Variants in MCTP1 observed in about 807,000 individuals in gnomAD.
The protein encoded by MCTP1 is multiple C2 and transmembrane domain containing 1, also known as multiple C2 and transmembrane domain-containing protein 1.
A neutral mutation model predicts 120.6 loss-of-function variants in MCTP1; 69 were observed. That is an observed-to-expected ratio of 0.57 (90% CI 0.47 to 0.70). The LOEUF is 0.70. Ranked by LOEUF, MCTP1 falls within the 30% of genes least tolerant of loss-of-function variation. The pLI is 0.00. For missense variants in MCTP1, 1,203 were observed against 1,248.8 expected (o/e 0.96, Z 0.55); for synonymous variants, 529 against 493.1 (o/e 1.07, Z -0.96).
At chr5:94,728,017 G>A (rs1478993345) in intron 19 of MCTP1, among the ~76,000 whole-genome samples, 1 of 152,134 alleles carries the variant, frequency 6.6e-6, no homozygotes, top group Non-Finnish European at 1.5e-5. Context: ...ACAACTTAGT[G>A]TTCTATGGGA....
chr5:95,076,705 G>A (rs186752064), intron 1 of MCTP1, among the ~76,000 whole-genome samples: 26 of 152,180 alleles, frequency 1.7e-4, no homozygotes, highest in Middle Eastern at 6.8e-3. Flanking sequence ...ATAACACAAC[G>A]CATCTGTACA....
At chr5:94,715,813 T>C (rs1413373045) in intron 19 of MCTP1, among the ~76,000 whole-genome samples, 7 of 152,248 alleles carry the variant, frequency 4.6e-5, no homozygotes, top group African/African-American at 7.2e-5. Flanking sequence ...CATTCCTCCA[T>C]GCCAGCTTGA....
chr5:95,280,620 G>A (rs188676526), intron 1 of MCTP1, among the ~76,000 whole-genome samples: 4 of 152,274 alleles, frequency 2.6e-5, no homozygotes, highest in South Asian at 2.1e-4. Flanking sequence ...GGCCCAACAC[G>A]TGAACCAGAA....
intron 1 of MCTP1, among the ~76,000 whole-genome samples, chr5:95,039,872 C>T (rs4869228): frequency 0.59 from 75,481 of 127,900 alleles, 23,239 homozygotes; most frequent in Non-Finnish European, 0.7. Context: ...TTCTCAGTAC[C>T]GTTTGCAAAA....
intron 2 of MCTP1, among the ~76,000 whole-genome samples, chr5:94,999,866 C>A (rs1833331927): frequency 6.6e-6 from 1 of 152,180 alleles, no homozygotes; most frequent in South Asian, 2.1e-4. Context: ...TCCCCCCACA[C>A]ACATAGTGTT....
chr5:95,197,910 C>T (rs1750573605), intron 1 of MCTP1, among the ~76,000 whole-genome samples: 1 of 152,086 alleles, frequency 6.6e-6, no homozygotes, highest in African/African-American at 2.4e-5. Context: ...TTGACATCAT[C>T]TCTAGATTAC....
At chr5:94,829,827 GT>G (rs1235038892) in intron 17 of MCTP1, among the ~76,000 whole-genome samples, 39 of 152,164 alleles carry the variant, frequency 2.6e-4, no homozygotes, top group Admixed American at 2.6e-3. Flanking sequence ...CTCAGAATGA[GT>G]TTTTTTCTTG....
chr5:95,251,749 C>A (rs1238739071), intron 1 of MCTP1, among the ~76,000 whole-genome samples: 1 of 152,034 alleles, frequency 6.6e-6, no homozygotes, highest in Admixed American at 6.6e-5. Flanking sequence ...TGGCTCTGTT[C>A]TAAGCAGTTT....
At chr5:95,020,850 C>T (rs1183815511) in intron 1 of MCTP1, among the ~76,000 whole-genome samples, 5 of 151,900 alleles carry the variant, frequency 3.3e-5, no homozygotes, top group Admixed American at 6.6e-5. Context: ...GCCCTTTTTC[C>T]CTTTATAATA....
At chr5:95,014,031 G>T (rs180834158) in intron 2 of MCTP1, among the ~76,000 whole-genome samples, 1 of 151,872 alleles carries the variant, frequency 6.6e-6, no homozygotes, top group Non-Finnish European at 1.5e-5. Context: ...GAGTCCAAAG[G>T]GGGAAGATCA....
rs1338321923 is a variant in MCTP1 at position 94,705,006 on chromosome 5, T to C, written c.*2490A>G. Reference sequence around the variant, plus strand: ...GAATTATCACAACGAATGTCAGTAATAGTTTATGAATATAAATAATGACTC... The same window carrying C: ...GAATTATCACAACGAATGTCAGTAACAGTTTATGAATATAAATAATGACTC... On this transcript the variant is annotated 3_prime_UTR_variant, in exon 23 of 23. Coordinates refer to ENST00000515393, the MANE Select transcript of MCTP1 (RefSeq NM_024717.7). 6.6e-6 allele frequency: 1 copy of C among 151,336 alleles called. No individual in the cohort carries two copies. The highest frequency in any genetic ancestry group is 1.5e-5 in the Non-Finnish European group (1 of 67,600). The allele number at this position is 151,336 out of a possible 1,614,324, so 9.4% of individuals were successfully genotyped here.
chr5:94,889,786 CT>C (rs1329843329), intron 11 of MCTP1, among the ~76,000 whole-genome samples: 1 of 114,118 alleles, frequency 8.8e-6, no homozygotes, highest in Non-Finnish European at 2.0e-5. Flanking sequence ...ACACACACCC[CT>C]CTATGTGGAT....
At position 94,704,591 on chromosome 5, in the gene MCTP1, GAT is replaced by G. The variant is rs1754117456; in HGVS notation, c.*2903_*2904del. The G allele has an allele frequency of 6.8e-6, 1 of 148,062 alleles. No homozygotes were observed. The highest frequency in any genetic ancestry group is 2.1e-4 in the South Asian group (1 of 4,822). The allele number at this position is 148,062 out of a possible 1,614,324, so 9.2% of individuals were successfully genotyped here. A position where few individuals can be genotyped will look rare whatever the true frequency, so the allele number is the denominator to read the frequency against. On this transcript the variant is annotated 3_prime_UTR_variant, in exon 23 of 23. Transcript: ENST00000515393. ...AATGCAGAATAAAAATTTTATAAAA[GAT>G]AATTTTAGAAATGTATCAATTAAAT... is the stretch of plus-strand genomic sequence containing the variant.
intron 1 of MCTP1, among the ~76,000 whole-genome samples, chr5:95,050,038 C>T (rs541254059): frequency 1.6e-4 from 25 of 151,932 alleles, no homozygotes; most frequent in Non-Finnish European, 2.8e-4. Context: ...CCTCTACCCC[C>T]GTTAGGCAAC....
chr5:94,731,302 G>C (rs1354889948), intron 19 of MCTP1, among the ~76,000 whole-genome samples: 1 of 152,006 alleles, frequency 6.6e-6, no homozygotes, highest in African/African-American at 2.4e-5. Context: ...TCAAAAGATT[G>C]GACACCCCGA....
intron 17 of MCTP1, among the ~76,000 whole-genome samples, chr5:94,864,766 G>A (rs1796489320): frequency 6.6e-6 from 1 of 151,908 alleles, no homozygotes; most frequent in South Asian, 2.1e-4. Flanking sequence ...GACGCACACT[G>A]AAGTGTGTCC....
intron 11 of MCTP1, among the ~76,000 whole-genome samples, chr5:94,891,325 A>G (rs1802555221): frequency 6.6e-6 from 1 of 152,198 alleles, no homozygotes; most frequent in Admixed American, 6.5e-5. Context: ...GCGTTAGACA[A>G]CAGAATATAA....
chr5:95,004,249 C>T (rs745917764), intron 2 of MCTP1, among the ~76,000 whole-genome samples: 7 of 152,150 alleles, frequency 4.6e-5, no homozygotes, highest in Non-Finnish European at 8.8e-5. Context: ...TAAGAGTGTA[C>T]ACTCATATGC....
At chr5:95,168,619 C>T (rs1171666246) in intron 1 of MCTP1, among the ~76,000 whole-genome samples, 2 of 152,124 alleles carry the variant, frequency 1.3e-5, no homozygotes, top group Admixed American at 6.5e-5. Context: ...CCTTCACATC[C>T]CTTGTAAGGT....
Sources: allele counts gnomAD v4.1 joint callset (sites outside exome capture counted in the v4.1 genomes callset), GRCh38; gene constraint gnomAD v4.1.1; transcripts MANE v1.5; gene names NCBI Gene and HGNC (gene_info 2026-07-23, HGNC 2026-07-21).